COG5: variants seen among roughly 807,000 people sequenced by gnomAD.
The protein encoded by COG5 is component of oligomeric golgi complex 5.
In COG5, 86 loss-of-function variants were observed where a neutral mutation model predicts 110.4. That is an observed-to-expected ratio of 0.78 (90% CI 0.65 to 0.93). The LOEUF is 0.93. Ranked by LOEUF, COG5 falls within the 40% of genes least tolerant of loss-of-function variation. The pLI, the probability that COG5 is intolerant of heterozygous loss-of-function variation, is 0.00. For missense variants in COG5, 1,077 were observed against 987.0 expected (o/e 1.09, Z -1.22); for synonymous variants, 360 against 334.6 (o/e 1.08, Z -0.83).
chr7:107,223,316 T>C (rs1056425496), intron 19 of COG5, among the ~76,000 whole-genome samples: 2 of 152,162 alleles, frequency 1.3e-5, no homozygotes, highest in Admixed American at 1.3e-4. Flanking sequence ...TGAGCATTTC[T>C]ATGGAGATTC....
chr7:107,527,131 G>T, intron 6 of COG5, 106 bp downstream of exon 6: 1 of 974,696 alleles, frequency 1.0e-6, no homozygotes, highest in Non-Finnish European at 1.5e-6. Context: ...TTAAAAATTT[G>T]TTTAATAGTA....
intron 2 of COG5, 49 bp downstream of exon 2, chr7:107,557,927 T>G: frequency 3.7e-6 from 6 of 1,603,080 alleles, no homozygotes; most frequent in Non-Finnish European, 3.4e-6. Context: ...AATGCTAAAT[T>G]ATCACTTTAG....
intron 12 of COG5, among the ~76,000 whole-genome samples, chr7:107,294,915 G>A (rs1423493011): frequency 1.1e-5 from 1 of 87,018 alleles, no homozygotes; most frequent in Non-Finnish European, 2.5e-5. Context: ...GTGTGTGTGT[G>A]TGTGTGTGTA....
intron 11 of COG5, among the ~76,000 whole-genome samples, chr7:107,305,123 G>GATAT (rs1807599535): frequency 6.6e-6 from 1 of 152,184 alleles, no homozygotes; most frequent in Non-Finnish European, 1.5e-5. Flanking sequence ...ATGAAGCAAG[G>GATAT]ATATGCTCCA....
intron 7 of COG5, among the ~76,000 whole-genome samples, chr7:107,386,183 A>G (rs896260343): frequency 2.7e-5 from 4 of 149,458 alleles, no homozygotes; most frequent in Non-Finnish European, 4.4e-5. Context: ...ACATAGGAAT[A>G]TAGAGGAGTC....
chr7:107,441,025 G>A (rs1179903325), intron 6 of COG5, among the ~76,000 whole-genome samples: 1 of 151,656 alleles, frequency 6.6e-6, no homozygotes, highest in Non-Finnish European at 1.5e-5. Context: ...AGGCTGAGGT[G>A]GGTGGATCAT....
rs144025026 is a variant in COG5, at chr7:107,371,310, C to G, written c.835+1285G>C. 3.0e-3 allele frequency among the ~76,000 whole-genome samples: 449 copies of G among 152,126 alleles called. 3 individuals are homozygous for G. The highest frequency in any genetic ancestry group is 0.01 in the African/African-American group (435 of 41,494). ...ATATAGCAAATATAAAAATAATAGG[C>G]CAGGCATGGTGGCTCATGCCTGCAA... On this transcript the variant is annotated intron_variant, in intron 8 of 21. Coordinates refer to ENST00000297135, the MANE Select transcript of COG5 (RefSeq NM_006348.5).
chr7:107,208,035 A>C, intron 21 of COG5: 1 of 985,442 alleles, frequency 1.0e-6, no homozygotes, highest in Non-Finnish European at 1.2e-6. Flanking sequence ...TCTACAGGGG[A>C]AAGAAATTCA....
At chr7:107,246,130 A>G (rs964565477) in intron 17 of COG5, among the ~76,000 whole-genome samples, 1 of 152,242 alleles carries the variant, frequency 6.6e-6, no homozygotes, top group Non-Finnish European at 1.5e-5. Flanking sequence ...TTTCCTATTC[A>G]AGAAATGGTG....
chr7:107,372,267 A>G (rs1402141071), intron 8 of COG5, among the ~76,000 whole-genome samples: 1 of 152,186 alleles, frequency 6.6e-6, no homozygotes, highest in Non-Finnish European at 1.5e-5. Flanking sequence ...GTCTTTAAGA[A>G]GTACATGGGA....
chr7:107,232,851 T>C (rs972227723), intron 18 of COG5, among the ~76,000 whole-genome samples: 11 of 152,158 alleles, frequency 7.2e-5, no homozygotes, highest in Non-Finnish European at 2.9e-5. Context: ...AGCCCCCGTT[T>C]GGAGAGAATG....
chr7:107,529,256 G>C lies in COG5; in HGVS notation c.418-1899C>G, dbSNP rs1801003343. Reference sequence around the variant, plus strand: ...TGTTATTGTTGCAGGTAGTTAGACAGTCAAGAGTGGGGCAGGAGAGGGCTA... The same window carrying C: ...TGTTATTGTTGCAGGTAGTTAGACACTCAAGAGTGGGGCAGGAGAGGGCTA... On this transcript the variant is annotated intron_variant, in intron 5 of 21. Coordinates refer to ENST00000297135, the MANE Select transcript of COG5 (RefSeq NM_006348.5). Among the ~76,000 whole-genome samples the C allele has an allele frequency of 2.6e-5, 4 of 152,322 alleles. 1 individual carries two copies. In the South Asian group the frequency reaches 8.3e-4, roughly 32 times the overall value.
At chr7:107,415,692 A>G (rs1283443613) in intron 6 of COG5, among the ~76,000 whole-genome samples, 1 of 151,132 alleles carries the variant, frequency 6.6e-6, no homozygotes, top group African/African-American at 2.4e-5. Context: ...ATACATACAT[A>G]GGGATATATG....
chr7:107,553,748 T>G (rs888854490), intron 3 of COG5, among the ~76,000 whole-genome samples: 4 of 151,670 alleles, frequency 2.6e-5, no homozygotes, highest in Non-Finnish European at 5.9e-5. Flanking sequence ...TTAAAAAGAG[T>G]TGCAAAAAAG....
chr7:107,547,165 A>T (rs1802513090), intron 5 of COG5, among the ~76,000 whole-genome samples: 1 of 152,214 alleles, frequency 6.6e-6, no homozygotes, highest in Non-Finnish European at 1.5e-5. Context: ...ACATTAGAAG[A>T]ATCATTCACC....
At chr7:107,369,795 A>G (rs1291361079) in intron 8 of COG5, among the ~76,000 whole-genome samples, 1 of 152,190 alleles carries the variant, frequency 6.6e-6, no homozygotes, top group African/African-American at 2.4e-5. Context: ...GATAAAATTG[A>G]TAAAATTGAG....
intron 7 of COG5, among the ~76,000 whole-genome samples, chr7:107,387,763 A>G (rs565427714): frequency 1.3e-5 from 2 of 152,344 alleles, no homozygotes; most frequent in East Asian, 3.9e-4. Context: ...GAGAGCTGAG[A>G]TCGGGGCTCT....
At chr7:107,238,618 G>T (rs935690366) in intron 17 of COG5, among the ~76,000 whole-genome samples, 11 of 152,192 alleles carry the variant, frequency 7.2e-5, no homozygotes, top group Non-Finnish European at 1.3e-4. Flanking sequence ...TCCAACCACA[G>T]TATACAAGGG....
At chr7:107,506,717 C>A (rs957537516) in intron 6 of COG5, among the ~76,000 whole-genome samples, 3 of 152,194 alleles carry the variant, frequency 2.0e-5, no homozygotes, top group African/African-American at 7.2e-5. Context: ...GCCTTCCCTG[C>A]GGGAAAACAG....
Sources: gnomAD v4.1 joint callset for allele counts (sites outside exome capture counted in the v4.1 genomes callset) on GRCh38, gnomAD v4.1.1 for gene constraint, MANE v1.5 for transcripts, NCBI Gene and HGNC (gene_info 2026-07-23, HGNC 2026-07-21) for gene names.